The following SLC16A10 variants were observed in gnomAD, a reference collection of about 807,000 sequenced individuals.
SLC16A10 encodes monocarboxylate transporter 10.
Under a neutral mutation model 40.0 loss-of-function variants are expected in SLC16A10, and 27 were observed. That is an observed-to-expected ratio of 0.67 (90% CI 0.50 to 0.93). The LOEUF is 0.93. Ranked by LOEUF, SLC16A10 falls within the 40% of genes least tolerant of loss-of-function variation. The pLI is 0.00. For missense variants in SLC16A10, 529 were observed against 658.2 expected, an observed-to-expected ratio of 0.80 and a Z score of 2.15; for synonymous variants, 213 against 249.8, an observed-to-expected ratio of 0.85 and a Z score of 1.39.
chr6:111,179,021 T>C (rs1772742141), intron 3 of SLC16A10, among the ~76,000 whole-genome samples: 1 of 151,988 alleles, frequency 6.6e-6, no homozygotes, highest in Admixed American at 6.6e-5. Flanking sequence ...ATTCTTTTTC[T>C]TTTTTTTCTT....
rs759643113 is a variant in SLC16A10, at chr6:111,222,837, A to G, written c.*602A>G. Reference sequence around the variant, plus strand: ...AGCAGGTGCTAACATAGTGTTCAGAATCAATATGTGAGATGAAAAGGATCC... The same window carrying G: ...AGCAGGTGCTAACATAGTGTTCAGAGTCAATATGTGAGATGAAAAGGATCC... On this transcript the variant is annotated 3_prime_UTR_variant, in exon 6 of 6. Transcript: ENST00000368851. 6.5e-6 allele frequency: 1 copy of G among 152,782 alleles called. No individual in the cohort carries two copies. Among genetic ancestry groups the G allele is most frequent in the Non-Finnish European group, 1.5e-5 (1 of 68,524 alleles). 9.5% of individuals were successfully genotyped at this position (152,782 alleles called of 1,614,324 possible).
intron 1 of SLC16A10, among the ~76,000 whole-genome samples, chr6:111,164,897 T>A (rs953347268): frequency 6.6e-6 from 1 of 152,222 alleles, no homozygotes; most frequent in Non-Finnish European, 1.5e-5. Flanking sequence ...TCTAAAACTT[T>A]TTATTTTTCA....
chr6:111,195,927 A>G (rs1223158551), intron 3 of SLC16A10, among the ~76,000 whole-genome samples: 11 of 152,198 alleles, frequency 7.2e-5, no homozygotes, highest in Admixed American at 4.6e-4. Context: ...TATTTAAAAT[A>G]TAGGCAGTCC....
chr6:111,199,827 T>TAA (rs35253168), intron 3 of SLC16A10, among the ~76,000 whole-genome samples: 31,367 of 148,780 alleles, frequency 0.21, 4,238 homozygotes, highest in African/African-American at 0.39. Context: ...CAGGGAAATT[T>TAA]AAAAAAAAAA....
At chr6:111,092,999 C>A (rs988674176) in intron 1 of SLC16A10, among the ~76,000 whole-genome samples, 1 of 149,704 alleles carries the variant, frequency 6.7e-6, no homozygotes, top group African/African-American at 2.5e-5. Context: ...CAAGATGGCG[C>A]CACTGTACTC....
intron 1 of SLC16A10, among the ~76,000 whole-genome samples, chr6:111,097,992 C>G (rs1771104652): frequency 6.6e-6 from 1 of 152,090 alleles, no homozygotes; most frequent in Admixed American, 6.6e-5. Context: ...TGGCTCATAC[C>G]TGTAATCCCA....
chr6:111,096,652 G>A (rs1011427792), intron 1 of SLC16A10, among the ~76,000 whole-genome samples: 3 of 152,118 alleles, frequency 2.0e-5, no homozygotes, highest in Admixed American at 6.5e-5. Flanking sequence ...AAAAAAAGTC[G>A]ATGAAGAAAT....
At position 111,231,037 on chromosome 6, in the gene SLC16A10, T is replaced by A. The variant is rs948096365; in HGVS notation, c.*8802T>A. 2 of 152,228 alleles carry A rather than the reference T, an allele frequency of 1.3e-5. No homozygotes were observed. Among genetic ancestry groups the A allele is most frequent in the Non-Finnish European group, 2.9e-5 (2 of 68,044 alleles). 9.4% of individuals were successfully genotyped at this position (152,228 alleles called of 1,614,324 possible). A position where few individuals can be genotyped will look rare whatever the true frequency, so the allele number is the denominator to read the frequency against. On this transcript the variant is annotated 3_prime_UTR_variant, in exon 6 of 6. Transcript: ENST00000368851. Reference sequence around the variant, plus strand: ...AAAATGTATGCTTCTTTTTGAAGACTATAATTTACAATTTTTTTAATAATG... The same window carrying A: ...AAAATGTATGCTTCTTTTTGAAGACAATAATTTACAATTTTTTTAATAATG...
At chr6:111,098,177 A>G (rs547466158) in intron 1 of SLC16A10, among the ~76,000 whole-genome samples, 2,020 of 151,984 alleles carry the variant, frequency 0.013, no homozygotes, top group African/African-American at 0.047. Flanking sequence ...ATGGTGGCGC[A>G]TGCCTGTAAT....
chr6:111,207,697 T>C (rs1241683643), intron 4 of SLC16A10, among the ~76,000 whole-genome samples: 1 of 151,998 alleles, frequency 6.6e-6, no homozygotes, highest in Non-Finnish European at 1.5e-5. Flanking sequence ...GGACCAAGTG[T>C]GTAGATAAGG....
intron 1 of SLC16A10, among the ~76,000 whole-genome samples, chr6:111,132,209 G>C (rs1028427662): frequency 6.6e-6 from 1 of 152,116 alleles, no homozygotes; most frequent in Non-Finnish European, 1.5e-5. Context: ...GAGAGACAGA[G>C]ACAGAGGGGA....
At chr6:111,145,546 A>T (rs1181510410) in intron 1 of SLC16A10, among the ~76,000 whole-genome samples, 1 of 152,200 alleles carries the variant, frequency 6.6e-6, no homozygotes, top group Admixed American at 6.5e-5. Context: ...AAAAGAATGA[A>T]GTTAGATCCC....
At chr6:111,144,531 A>C (rs1412773698) in intron 1 of SLC16A10, among the ~76,000 whole-genome samples, 2 of 152,174 alleles carry the variant, frequency 1.3e-5, no homozygotes, top group African/African-American at 4.8e-5. Flanking sequence ...CAAAGATGTA[A>C]ATTAAAACAA....
intron 1 of SLC16A10, chr6:111,091,210 A>G (rs1232098548): frequency 2.0e-5 from 3 of 152,154 alleles, no homozygotes; most frequent in Non-Finnish European, 2.9e-5. Context: ...TTATTTATTT[A>G]TTTAAAATAT....
At position 111,162,536 on chromosome 6, in the gene SLC16A10, C is replaced by A. The variant is rs140835646; in HGVS notation, c.344-10159C>A. ...TCAAACTTGATTTCTTAAAGGTAAGCACACCCTTCCAGTCAAAGCCTTGGT... is the reference window on the plus strand; with the variant it reads ...TCAAACTTGATTTCTTAAAGGTAAGAACACCCTTCCAGTCAAAGCCTTGGT... On this transcript the variant is annotated intron_variant, in intron 1 of 5. Transcript: ENST00000368851. Among the ~76,000 whole-genome samples, 76 of 152,296 alleles carry A rather than the reference C, an allele frequency of 5.0e-4. 1 individual carries two copies. The East Asian group carries it at 0.012, about 23-fold the overall frequency.
rs985152556 is a variant in SLC16A10 at position 111,227,573 on chromosome 6, C to A, written c.*5338C>A. The stretch of plus-strand genomic sequence containing the variant: ...CTTAGCTTGCCTTTTTTAAAATTAT[C>A]AAATTTTAAATCGTAAACTTTGTCT... On this transcript the variant is annotated 3_prime_UTR_variant, in exon 6 of 6. Transcript: ENST00000368851. The A allele has an allele frequency of 3.3e-5, 5 of 152,194 alleles. No individual in the cohort carries two copies. In the East Asian group the frequency reaches 9.7e-4, roughly 29 times the overall value. The allele number at this position is 152,194 out of a possible 1,614,324, so 9.4% of individuals were successfully genotyped here.
chr6:111,150,838 C>T (rs1772160325), intron 1 of SLC16A10, among the ~76,000 whole-genome samples: 2 of 152,122 alleles, frequency 1.3e-5, no homozygotes, highest in African/African-American at 4.8e-5. Flanking sequence ...TGTGGCAAGT[C>T]TCTACTCGTA....
intron 3 of SLC16A10, among the ~76,000 whole-genome samples, chr6:111,204,425 T>TA (rs1773222347): frequency 6.6e-6 from 1 of 152,172 alleles, no homozygotes; most frequent in Admixed American, 6.5e-5. Flanking sequence ...ATATGTCTAA[T>TA]TTTACATGAA....
At chr6:111,221,087 C>T (rs1770879659) in intron 5 of SLC16A10, among the ~76,000 whole-genome samples, 1 of 152,124 alleles carries the variant, frequency 6.6e-6, no homozygotes, top group Admixed American at 6.6e-5. Flanking sequence ...TTAACAATGT[C>T]AGATAGATAT....
Sources: allele counts gnomAD v4.1 joint callset (sites outside exome capture counted in the v4.1 genomes callset), GRCh38; gene constraint gnomAD v4.1.1; transcripts MANE v1.5; gene names NCBI Gene and HGNC (gene_info 2026-07-23, HGNC 2026-07-21).